CFAP46: variants seen among roughly 807,000 people sequenced by gnomAD.
CFAP46 encodes cilia and flagella associated protein 46.
In CFAP46, 245 loss-of-function variants were observed where a neutral mutation model predicts 325.7. That is an observed-to-expected ratio of 0.75 (90% CI 0.68 to 0.84). The LOEUF (loss-of-function observed/expected upper bound fraction) is 0.84, where lower values mean the gene tolerates loss of function less well. Ranked by LOEUF, CFAP46 falls within the 40% of genes least tolerant of loss-of-function variation. CFAP46 has a pLI of 0.00. For missense variants in CFAP46, 3,346 were observed against 3,543.0 expected (o/e 0.94, Z 1.41); for synonymous variants, 1,523 against 1,495.9 (o/e 1.02, Z -0.42).
Position 132,836,924 on chromosome 10 carries a change from G to T in CFAP46, c.6439-10C>A. 1 of 1,606,252 alleles carries T rather than the reference G, an allele frequency of 6.2e-7. No homozygotes were observed. The highest frequency in any genetic ancestry group is 8.5e-7 in the Non-Finnish European group (1 of 1,173,072). On this transcript the variant is annotated splice_polypyrimidine_tract_variant and intron_variant, in intron 44 of 57. Transcript: ENST00000368586. ...AGAGATTTTGCCAAGCCTGTGTGGC[G>T]AAAAACGGCCATCAGGGGATGCATT...
chr10:132,887,975 CCT>C (rs1325715746), intron 25 of CFAP46, among the ~76,000 whole-genome samples: 7 of 103,428 alleles, frequency 6.8e-5, no homozygotes, highest in South Asian at 7.4e-4. Flanking sequence ...TCTCTCCGCT[CCT>C]CTCTCTCTCC....
chr10:132,917,727 A>C (rs946837757), intron 16 of CFAP46, among the ~76,000 whole-genome samples: 2 of 152,178 alleles, frequency 1.3e-5, no homozygotes, highest in Admixed American at 6.5e-5. Flanking sequence ...CCTCATATTC[A>C]TTTTGTTTGA....
At chr10:132,868,783 G>T (rs577587439) in intron 33 of CFAP46, among the ~76,000 whole-genome samples, 13 of 152,318 alleles carry the variant, frequency 8.5e-5, no homozygotes, top group African/African-American at 3.1e-4. Context: ...AAACAGAACC[G>T]TATACAATCA....
chr10:132,915,815 A>C (rs12772877), intron 17 of CFAP46, among the ~76,000 whole-genome samples: 30,715 of 152,214 alleles, frequency 0.2, 3,809 homozygotes, highest in Admixed American at 0.29. Flanking sequence ...ATGGAGAAAC[A>C]ACGCACGTCC....
chr10:132,838,383 C>T (rs1417320757), intron 44 of CFAP46, among the ~76,000 whole-genome samples: 1 of 152,272 alleles, frequency 6.6e-6, no homozygotes, highest in Admixed American at 6.5e-5. Flanking sequence ...GGCGTAAAAG[C>T]CCATGCGTGA....
intron 17 of CFAP46, among the ~76,000 whole-genome samples, chr10:132,913,551 C>T (rs1018400054): frequency 2.0e-5 from 3 of 152,334 alleles, no homozygotes; most frequent in Non-Finnish European, 2.9e-5. Context: ...GAGAATTGAA[C>T]ACCTGATGAT....
At chr10:132,881,183 A>G (rs1282287770) in intron 27 of CFAP46, among the ~76,000 whole-genome samples, 151 bp from the exon 28 acceptor site, 1 of 152,182 alleles carries the variant, frequency 6.6e-6, no homozygotes, top group African/African-American at 2.4e-5. Flanking sequence ...AATGAGACCA[A>G]GTTGCCATTT....
At chr10:132,846,787 C>A in intron 43 of CFAP46, 145 bp downstream of exon 43, 1 of 1,004,472 alleles carries the variant, frequency 1.0e-6, no homozygotes, top group Non-Finnish European at 1.4e-6. Flanking sequence ...GTTTACGTGG[C>A]CGGCAGGCTC....
intron 34 of CFAP46, among the ~76,000 whole-genome samples, chr10:132,866,647 C>G (rs1848816950): frequency 6.6e-6 from 1 of 152,078 alleles, no homozygotes; most frequent in Admixed American, 6.5e-5. Flanking sequence ...CCAGCCTCTC[C>G]TCGCTAAGCA....
chr10:132,814,656 G>A (rs1847654876), intron 52 of CFAP46, 30 bp downstream of exon 52: 1 of 1,583,930 alleles, frequency 6.3e-7, no homozygotes, highest in Non-Finnish European at 8.6e-7. Flanking sequence ...GGCGGGGTCT[G>A]GGGCCCCCCC....
At chr10:132,934,405 G>A (rs1349977287) in intron 8 of CFAP46, among the ~76,000 whole-genome samples, 1 of 152,186 alleles carries the variant, frequency 6.6e-6, no homozygotes, top group Non-Finnish European at 1.5e-5. Flanking sequence ...AGAAAGCACA[G>A]AATCCAAACA....
rs545554379 is a variant in CFAP46 at position 132,896,273 on chromosome 10, T to C, written c.3219+2686A>G. On this transcript the variant is annotated intron_variant, in intron 24 of 57. Transcript: ENST00000368586. Reference sequence around the variant, plus strand: ...CTGTGTGTGCCACATGAAGACATGGTGAGAAGGCAGCCAGGCTGTGTGTGC... The same window carrying C: ...CTGTGTGTGCCACATGAAGACATGGCGAGAAGGCAGCCAGGCTGTGTGTGC... Among the ~76,000 whole-genome samples the C allele has an allele frequency of 4.1e-4, 62 of 149,572 alleles. 1 individual carries two copies. Among genetic ancestry groups the C allele is most frequent in the African/African-American group, 1.5e-3 (61 of 39,426 alleles).
intron 13 of CFAP46, among the ~76,000 whole-genome samples, chr10:132,921,079 G>A (rs551215534): frequency 6.8e-4 from 103 of 152,352 alleles, no homozygotes; most frequent in African/African-American, 2.3e-3. Flanking sequence ...CTTGCAGGGC[G>A]CGACCCACCC....
intron 8 of CFAP46, among the ~76,000 whole-genome samples, chr10:132,931,509 TCCCCACCC>T (rs1849901844): frequency 1.5e-5 from 2 of 129,738 alleles, no homozygotes; most frequent in African/African-American, 3.0e-5. Context: ...AGCCTGGGCC[TCCCCACCC>T]TCCCCACACA....
At chr10:132,900,526 C>T (rs913111597) in intron 22 of CFAP46, among the ~76,000 whole-genome samples, 2 of 152,238 alleles carry the variant, frequency 1.3e-5, no homozygotes, top group African/African-American at 4.8e-5. Context: ...GGTCCCAGAG[C>T]CAGGAATCTG....
intron 54 of CFAP46, among the ~76,000 whole-genome samples, chr10:132,813,844 G>A (rs982903105): frequency 6.6e-6 from 1 of 152,208 alleles, no homozygotes; most frequent in African/African-American, 2.4e-5. Context: ...GGCATCTGGG[G>A]GGCAGAGTCT....
intron 5 of CFAP46, among the ~76,000 whole-genome samples, chr10:132,938,092 T>G (rs1022217155): frequency 2.6e-5 from 4 of 152,126 alleles, no homozygotes; most frequent in Admixed American, 6.5e-5. Context: ...CCGTTTCCTT[T>G]CCGCCGCCCG....
At chr10:132,819,749 A>G (rs1847759813) in intron 50 of CFAP46, among the ~76,000 whole-genome samples, 1 of 152,244 alleles carries the variant, frequency 6.6e-6, no homozygotes, top group Admixed American at 6.5e-5. Context: ...CTCAAAATGG[A>G]TTACAGGCTT....
In CFAP46 at chr10:132,814,739, A is replaced by T. The variant is rs1490234242; in HGVS notation, c.7196T>A (p.Ile2399Asn). Residue 2399 changes from isoleucine to asparagine, a missense_variant, in exon 52 of 58, where the codon ATC (isoleucine) becomes AAC (asparagine). Coordinates refer to ENST00000368586, the MANE Select transcript of CFAP46 (RefSeq NM_001200049.3). ...SLAKKGRKGS[I>N]PRTIPPDCII... ...GCAGTCAGGGGGGATGGTCCGGGGG[A>T]TGCTGCCCTGCAACCACAGACCAGG... 1 of 1,613,518 alleles carries T rather than the reference A, an allele frequency of 6.2e-7. No homozygotes were observed.
Sources: allele counts gnomAD v4.1 joint callset (sites outside exome capture counted in the v4.1 genomes callset), GRCh38; gene constraint gnomAD v4.1.1; transcripts MANE v1.5; gene names NCBI Gene and HGNC (gene_info 2026-07-23, HGNC 2026-07-21).